Variants in SIRPB2 observed in about 807,000 individuals in gnomAD.
SIRPB2 encodes the protein signal regulatory protein beta 2.
In SIRPB2, 18 loss-of-function variants were observed where a neutral mutation model predicts 27.1. The ratio of observed to expected loss-of-function variants is 0.66; its 90% CI spans 0.46 to 0.98. The LOEUF (loss-of-function observed/expected upper bound fraction) is 0.98. Ranked by LOEUF, SIRPB2 falls within the 50% of genes least tolerant of loss-of-function variation. The pLI is 0.00. For missense variants in SIRPB2, 420 were observed against 417.4 expected (o/e 1.01, Z -0.06); for synonymous variants, 150 against 164.6 (o/e 0.91, Z 0.68).
rs2090605896 is a variant in SIRPB2, at chr20:1,476,318, G to T, written c.878C>A (p.Ala293Glu). 8.7e-6 allele frequency: 14 copies of T among 1,613,006 alleles called. No homozygotes were observed. The highest frequency in any genetic ancestry group is 1.2e-5 in the Non-Finnish European group (14 of 1,179,744). The stretch of plus-strand genomic sequence containing the variant: ...TGCCTTCAGCCCCAGGACCACAGGT[G>T]CGAACACAACCAGGAGGCCTGGGAG... ...MSPTGLLVVF[A>E]PVVLGLKAIT... Residue 293 changes from alanine (A) to glutamate (E), a missense_variant, in exon 5 of 5, where the codon GCA (alanine) becomes GAA (glutamate). Ala to Glu is a moderately radical substitution (Grantham distance 107, BLOSUM62 -1). Coordinates refer to ENST00000359801, the MANE Select transcript of SIRPB2 (RefSeq NM_001122962.2).
Position 1,476,245 on chromosome 20 carries a change from GCTC to G in SIRPB2, c.948_950del (p.Arg316del). The G allele has an allele frequency of 6.2e-7, 1 of 1,614,018 alleles. No homozygotes were observed. The highest frequency in any genetic ancestry group is 8.5e-7 in the Non-Finnish European group (1 of 1,179,988). ...TGGTCTTGACATCTTCTTGCCCAGG[GCTC>G]CTCCGAGAGGTAGCCAGGGCCAGTA... On this transcript the variant is annotated inframe_deletion, in exon 5 of 5. Transcript: ENST00000359801.
At position 1,476,271 on chromosome 20, in the gene SIRPB2, G is replaced by A. The variant is rs1408788728; in HGVS notation, c.925C>T (p.Leu309=). 1.9e-6 allele frequency: 3 copies of A among 1,613,896 alleles called. No individual in the cohort carries two copies. The highest frequency in any genetic ancestry group is 1.1e-5 in the South Asian group (1 of 91,072). Residue 309 remains leucine (L), a synonymous_variant, in exon 5 of 5, where the codon CTG becomes TTG. Coordinates refer to ENST00000359801, the MANE Select transcript of SIRPB2 (RefSeq NM_001122962.2). The part of the protein sequence containing the change: ...LKAITLAALL[L]ALATSRRSPG... ...CTCCTCCGAGAGGTAGCCAGGGCCA[G>A]TAGGAGTGCAGCCAAGGTAATTGCC...
At position 1,475,368 on chromosome 20, in the gene SIRPB2, A is replaced by G. The variant is rs2090597756; in HGVS notation, c.*799T>C. On this transcript the variant is annotated 3_prime_UTR_variant, in exon 5 of 5. Transcript: ENST00000359801. Reference sequence around the variant, plus strand: ...CGCATTGCTGCCAGAAATAAAGACTACATCTCCCAGTGTTTCTTGCAGCTA... The same window carrying G: ...CGCATTGCTGCCAGAAATAAAGACTGCATCTCCCAGTGTTTCTTGCAGCTA... The G allele has an allele frequency of 6.6e-6, 1 of 152,208 alleles. No individual in the cohort carries two copies. Among genetic ancestry groups the G allele is most frequent in the Non-Finnish European group, 1.5e-5 (1 of 68,054 alleles). 9.4% of individuals were successfully genotyped at this position (152,208 alleles called of 1,614,324 possible).
At chr20:1,479,433 T>C (rs1600010207) in intron 2 of SIRPB2, 8 of 510,526 alleles carry the variant, frequency 1.6e-5, no homozygotes, top group South Asian at 1.5e-4. Flanking sequence ...TGAGGTGTAC[T>C]TGAAGAGTTG....
At chr20:1,480,093 C>T in intron 1 of SIRPB2, 28 bp from the exon 2 acceptor site, 2 of 1,575,812 alleles carry the variant, frequency 1.3e-6, no homozygotes, top group East Asian at 4.5e-5. Context: ...AGACCTTGCA[C>T]TGGGCAGGAA....
rs373913527 is a variant in SIRPB2 at position 1,479,918 on chromosome 20, G to T, written c.233C>A (p.Thr78Asn). Residue 78 changes from threonine (T) to asparagine (N), a missense_variant, in exon 2 of 5, where the codon ACT (threonine) becomes AAT (asparagine). Transcript: ENST00000359801. ...GTTATAAATTTCCTGTTGGTCCTGA[G>T]TGCTCACCTTCACCCATTTTATCAT... is the stretch of plus-strand genomic sequence containing the variant. ...DGMIKWVKVS[T>N]QDQQEIYNFK... The T allele has an allele frequency of 1.2e-6, 2 of 1,614,082 alleles. No homozygotes were observed. The highest frequency in any genetic ancestry group is 1.7e-6 in the Non-Finnish European group (2 of 1,180,050).
intron 2 of SIRPB2, 54 bp downstream of exon 2, chr20:1,479,646 T>C: frequency 3.8e-6 from 6 of 1,590,012 alleles, no homozygotes; most frequent in Non-Finnish European, 5.1e-6. Flanking sequence ...TAAAGGTGAC[T>C]GTGCAGGGAA....
At chr20:1,487,428 T>A (rs1274920875) in intron 1 of SIRPB2, among the ~76,000 whole-genome samples, 1 of 152,230 alleles carries the variant, frequency 6.6e-6, no homozygotes, top group Admixed American at 6.5e-5. Flanking sequence ...CTAGCAGGCT[T>A]CACTTTAGCA....
At chr20:1,487,068 A>C (rs951854332) in intron 1 of SIRPB2, among the ~76,000 whole-genome samples, 2 of 152,232 alleles carry the variant, frequency 1.3e-5, no homozygotes, top group African/African-American at 4.8e-5. Context: ...ATTAAAATTT[A>C]AATGAAAATT....
intron 1 of SIRPB2, among the ~76,000 whole-genome samples, chr20:1,485,003 C>T (rs567009032): frequency 2.0e-5 from 3 of 152,266 alleles, no homozygotes; most frequent in Non-Finnish European, 4.4e-5. Context: ...AGACAAACAT[C>T]ACATGTTTTC....
At chr20:1,488,555 G>C (rs1007096074) in intron 1 of SIRPB2, among the ~76,000 whole-genome samples, 4 of 152,094 alleles carry the variant, frequency 2.6e-5, no homozygotes, top group African/African-American at 9.7e-5. Context: ...GGCTAAGGTG[G>C]GAGGATCGCT....
intron 1 of SIRPB2, among the ~76,000 whole-genome samples, chr20:1,487,898 C>A (rs1214817938): frequency 6.6e-6 from 1 of 152,092 alleles, no homozygotes; most frequent in African/African-American, 2.4e-5. Context: ...CATGTGCAAA[C>A]AAATGAACTT....
chr20:1,488,634 T>G (rs112565937), intron 1 of SIRPB2, among the ~76,000 whole-genome samples: 1,558 of 99,416 alleles, frequency 0.016, 26 homozygotes, highest in African/African-American at 0.055. Context: ...GGCAACAGAG[T>G]GAGACCCTGT....
downstream of SIRPB2, among the ~76,000 whole-genome samples, chr20:1,473,601 A>AG (rs1327220414): frequency 6.7e-6 from 1 of 149,728 alleles, no homozygotes; most frequent in Non-Finnish European, 1.5e-5. Context: ...TGGTCCAGAG[A>AG]GGCCTTTAAA....
chr20:1,486,808 C>T (rs2090731558), intron 1 of SIRPB2, among the ~76,000 whole-genome samples: 1 of 152,154 alleles, frequency 6.6e-6, no homozygotes, highest in Admixed American at 6.5e-5. Context: ...TCTCAGCAAA[C>T]TGGGAAGACA....
downstream of SIRPB2, among the ~76,000 whole-genome samples, chr20:1,471,551 C>T (rs917395560): frequency 1.3e-5 from 2 of 152,158 alleles, no homozygotes; most frequent in Non-Finnish European, 2.9e-5. Context: ...TTAATCAGTG[C>T]CATTTAGATA....
chr20:1,477,602 T>C (rs537183469), intron 3 of SIRPB2, among the ~76,000 whole-genome samples, 199 bp from the exon 4 acceptor site: 1 of 152,350 alleles, frequency 6.6e-6, no homozygotes, highest in East Asian at 1.9e-4. Flanking sequence ...GTCTAATTCA[T>C]TGCAGTGTCT....
intron 1 of SIRPB2, among the ~76,000 whole-genome samples, chr20:1,481,020 G>A (rs181514339): frequency 6.6e-6 from 1 of 152,358 alleles, no homozygotes; most frequent in African/African-American, 2.4e-5. Flanking sequence ...AGGTTGAACT[G>A]TTGAGTTTAT....
At position 1,479,568 on chromosome 20, in the gene SIRPB2, T is replaced by C. The variant is rs1600010535; in HGVS notation, c.451+132A>G. 7.3e-6 allele frequency: 10 copies of C among 1,370,610 alleles called. No individual in the cohort carries two copies. The East Asian group carries it at 2.3e-4, about 31-fold the overall frequency. 84.9% of individuals were successfully genotyped at this position (1,370,610 alleles called of 1,614,324 possible). A position where few individuals can be genotyped will look rare whatever the true frequency, so the allele number is the denominator to read the frequency against. ...CCACCCAGCCACATGTAAATGTGCA[T>C]GTAGAGATACAAATATGTATTGTTG... On this transcript the variant is annotated intron_variant, in intron 2 of 4. Transcript: ENST00000359801.
Sources: gnomAD v4.1 joint callset for allele counts (sites outside exome capture counted in the v4.1 genomes callset) on GRCh38, gnomAD v4.1.1 for gene constraint, MANE v1.5 for transcripts, NCBI Gene and HGNC (gene_info 2026-07-23, HGNC 2026-07-21) for gene names.